Variants in GALNT13 observed in about 807,000 individuals in gnomAD.
GALNT13 encodes the protein polypeptide N-acetylgalactosaminyltransferase 13, also known as UDP-GalNAc:polypeptide N-acetylgalactosaminyltransferase 13.
A neutral mutation model predicts 64.2 loss-of-function variants in GALNT13; 28 were observed. The observed-to-expected ratio is 0.44, with a 90% CI of 0.32 to 0.60. GALNT13 has a LOEUF of 0.60. Among genes scored for constraint, GALNT13 ranks in the 20% least tolerant of loss-of-function variants. The probability of loss-of-function intolerance (pLI) is 0.05; values close to 1 mark genes in which losing one functional copy is unlikely to be tolerated. For synonymous variants in GALNT13, 214 were observed against 224.6 expected (o/e 0.95, Z 0.42); for missense variants, 577 against 669.8 (o/e 0.86, Z 1.53).
the GALNT13 span, among the ~76,000 whole-genome samples, chr2:153,673,099 A>T: frequency 6.6e-6 from 1 of 152,166 alleles, no homozygotes; most frequent in Admixed American, 6.5e-5. Flanking sequence ...CCAGGACCAG[A>T]TGGATTCACA....
intron 4 of GALNT13, among the ~76,000 whole-genome samples, chr2:154,204,619 C>A (rs763603771): frequency 3.9e-5 from 6 of 152,216 alleles, no homozygotes; most frequent in South Asian, 2.1e-4. Context: ...GGTGATGGAC[C>A]TTTTACCATT....
At chr2:154,418,425 G>T (rs1206021036) in intron 11 of GALNT13, among the ~76,000 whole-genome samples, 1 of 152,082 alleles carries the variant, frequency 6.6e-6, no homozygotes, top group African/African-American at 2.4e-5. Flanking sequence ...AGATAGCCGC[G>T]CTACCACATG....
chr2:153,379,035 T>C, the GALNT13 span, among the ~76,000 whole-genome samples: 4 of 152,234 alleles, frequency 2.6e-5, no homozygotes, highest in East Asian at 7.7e-4. Context: ...TTTGACCAAA[T>C]AGGACCCAAC....
intron 9 of GALNT13, among the ~76,000 whole-genome samples, chr2:154,315,662 A>G (rs1046267174): frequency 1.3e-5 from 2 of 152,196 alleles, no homozygotes; most frequent in Non-Finnish European, 2.9e-5. Flanking sequence ...AAAAATGTTT[A>G]TGTTTTAATT....
chr2:153,758,870 G>T, the GALNT13 span, among the ~76,000 whole-genome samples: 3 of 152,160 alleles, frequency 2.0e-5, no homozygotes, highest in African/African-American at 7.2e-5. Flanking sequence ...GGGATTACAG[G>T]CATGAGCCAC....
At chr2:154,023,288 G>A (rs938323269) in intron 3 of GALNT13, among the ~76,000 whole-genome samples, 3 of 152,152 alleles carry the variant, frequency 2.0e-5, no homozygotes, top group African/African-American at 7.2e-5. Context: ...TGTTGACAGT[G>A]GGGTGTTAAA....
chr2:153,073,230 C>T, the GALNT13 span, among the ~76,000 whole-genome samples: 1 of 152,062 alleles, frequency 6.6e-6, no homozygotes, highest in Non-Finnish European at 1.5e-5. Context: ...TTCAGGTTCT[C>T]AAGGAGTGGG....
chr2:153,949,136 A>G (rs1222403202), intron 3 of GALNT13, among the ~76,000 whole-genome samples: 1 of 152,140 alleles, frequency 6.6e-6, no homozygotes, highest in Admixed American at 6.6e-5. Flanking sequence ...TAGGAGCAAT[A>G]GGCTATACCA....
the GALNT13 span, among the ~76,000 whole-genome samples, chr2:153,746,981 G>C: frequency 6.6e-6 from 1 of 151,824 alleles, no homozygotes. Flanking sequence ...TATGTAATTC[G>C]ATATGAGTCC....
the GALNT13 span, among the ~76,000 whole-genome samples, chr2:153,594,420 A>G: frequency 1.7e-4 from 26 of 152,208 alleles, 1 homozygote; most frequent in African/African-American, 6.0e-4. Context: ...CTTCCACGAT[A>G]CTATCTTCTG....
the GALNT13 span, among the ~76,000 whole-genome samples, chr2:153,185,205 C>A: frequency 6.6e-6 from 1 of 151,998 alleles, no homozygotes; most frequent in Non-Finnish European, 1.5e-5. Flanking sequence ...TACATGTGTC[C>A]AGGGATTTAT....
intron 8 of GALNT13, among the ~76,000 whole-genome samples, chr2:154,264,297 T>C (rs2105910221): frequency 6.6e-6 from 1 of 151,816 alleles, no homozygotes; most frequent in East Asian, 1.9e-4. Context: ...GTAGAGGAAA[T>C]ATTGAGAAAC....
chr2:153,439,188 C>G, the GALNT13 span, among the ~76,000 whole-genome samples: 1 of 152,108 alleles, frequency 6.6e-6, no homozygotes, highest in African/African-American at 2.4e-5. Flanking sequence ...GAAGTTTTGT[C>G]TCAGAAGAAT....
At chr2:153,359,629 G>GAAAAAA in the GALNT13 span, among the ~76,000 whole-genome samples, 2 of 8,926 alleles carry the variant, frequency 2.2e-4, no homozygotes, top group Non-Finnish European at 4.2e-4. Context: ...CCAGCTTTCA[G>GAAAAAA]CAAAAAAAAA....
chr2:153,632,905 A>G, the GALNT13 span, among the ~76,000 whole-genome samples: 1 of 151,994 alleles, frequency 6.6e-6, no homozygotes, highest in African/African-American at 2.4e-5. Context: ...GGCACACACC[A>G]ATACGCCCAG....
intron 4 of GALNT13, among the ~76,000 whole-genome samples, chr2:154,153,814 A>T (rs966320935): frequency 7.2e-5 from 11 of 152,100 alleles, no homozygotes; most frequent in Non-Finnish European, 1.0e-4. Context: ...GAGTGACCCG[A>T]TTTTCCAGGT....
intron 8 of GALNT13, chr2:154,287,255 G>T: frequency 1.1e-6 from 1 of 889,386 alleles, no homozygotes; most frequent in Non-Finnish European, 1.9e-6. Context: ...CTTTGCCGAC[G>T]GCAACTCCAA....
intron 3 of GALNT13, among the ~76,000 whole-genome samples, chr2:154,014,044 G>T (rs1696828369): frequency 6.6e-6 from 1 of 152,200 alleles, no homozygotes; most frequent in South Asian, 2.1e-4. Flanking sequence ...GGAGAAGCTG[G>T]CAGCAGGAGA....
At chr2:153,688,991 G>GGTGTGT in the GALNT13 span, among the ~76,000 whole-genome samples, 7,755 of 130,042 alleles carry the variant, frequency 0.06, 391 homozygotes, top group East Asian at 0.29. Context: ...TAGAGGTAGG[G>GGTGTGT]GTGTGTGTGT....
Sources: gnomAD v4.1 joint callset for allele counts (sites outside exome capture counted in the v4.1 genomes callset) on GRCh38, gnomAD v4.1.1 for gene constraint, MANE v1.5 for transcripts, NCBI Gene and HGNC (gene_info 2026-07-23, HGNC 2026-07-21) for gene names.